Variants in NUBP1 observed in about 807,000 individuals in gnomAD.
NUBP1 encodes cytosolic Fe-S cluster assembly factor NUBP1.
Under a neutral mutation model 41.8 loss-of-function variants are expected in NUBP1, and 46 were observed. The observed-to-expected ratio is 1.10, with a 90% CI of 0.87 to 1.41. The LOEUF (loss-of-function observed/expected upper bound fraction) is 1.41, where lower values mean the gene tolerates loss of function less well. Ranked by LOEUF, NUBP1 falls within the 40% of genes most tolerant of loss-of-function variation. The pLI is 0.00. For synonymous variants in NUBP1, 189 were observed against 154.6 expected (o/e 1.22, Z -1.65); for missense variants, 494 against 414.0 (o/e 1.19, Z -1.68).
chr16:10,745,801 G>T (rs11863379), intron 2 of NUBP1, among the ~76,000 whole-genome samples: 3,440 of 152,322 alleles, frequency 0.023, 143 homozygotes, highest in African/African-American at 0.078. Context: ...TTAGGCAGAC[G>T]TCTCAGGGTA....
rs757839433 is a variant in NUBP1, at chr16:10,744,078, C to A, written c.124+13C>A. The A allele has an allele frequency of 1.3e-6, 2 of 1,546,734 alleles. No homozygotes were observed. The highest frequency in any genetic ancestry group is 1.4e-5 in the African/African-American group (1 of 71,732). Reference sequence around the variant, plus strand: ...ACTCCGGACACGGGTGAGAAAAGGGCAAGGCCTCAACAGGAACTTAGAGGC... The same window carrying A: ...ACTCCGGACACGGGTGAGAAAAGGGAAAGGCCTCAACAGGAACTTAGAGGC... On this transcript the variant is annotated intron_variant, in intron 2 of 10. Transcript: ENST00000283027.
At chr16:10,762,226 T>G in intron 9 of NUBP1, 1 of 177,486 alleles carries the variant, frequency 5.6e-6, no homozygotes, top group Admixed American at 5.7e-5. Flanking sequence ...GAAAATCCCT[T>G]AGGAAGGGGC....
chr16:10,749,230 G>A lies in NUBP1; in HGVS notation c.258+1954G>A, dbSNP rs1478677211. Among the ~76,000 whole-genome samples, 1 of 150,904 alleles carries A rather than the reference G, an allele frequency of 6.6e-6. No individual in the cohort carries two copies. Reference sequence around the variant, plus strand: ...GCCATTTGAGGGTCAAATCTGTACTGGCCTAGTGGGCTGGCCAAGAAATCT... The same window carrying A: ...GCCATTTGAGGGTCAAATCTGTACTAGCCTAGTGGGCTGGCCAAGAAATCT... On this transcript the variant is annotated intron_variant, in intron 3 of 10. Transcript: ENST00000283027. This position sits in a 1 kb window ranked among gnomAD's most constrained non-coding sequence, Gnocchi z 4.1.
At chr16:10,758,561 G>A (rs185946113) in intron 7 of NUBP1, among the ~76,000 whole-genome samples, 31 of 152,258 alleles carry the variant, frequency 2.0e-4, no homozygotes, top group Admixed American at 1.2e-3. Flanking sequence ...TTAGTCCATG[G>A]ATTAAACAAT....
rs925869968 is a variant in NUBP1 at position 10,767,644 on chromosome 16, T to A, written c.821-305T>A. 9.3e-6 allele frequency: 4 copies of A among 429,470 alleles called. No individual in the cohort carries two copies. Among genetic ancestry groups the A allele is most frequent in the Non-Finnish European group, 1.2e-5 (3 of 243,370 alleles). The allele number at this position is 429,470 out of a possible 1,614,324, so 26.6% of individuals were successfully genotyped here. A position where few individuals can be genotyped will look rare whatever the true frequency, so the allele number is the denominator to read the frequency against. On this transcript the variant is annotated intron_variant, in intron 9 of 10. Transcript: ENST00000283027. This position sits in a 1 kb window ranked among gnomAD's most constrained non-coding sequence, Gnocchi z 4.6. ...ATTCATGATCCTTTCACTCAAAAGCTAATCTCTTAAAATGCAGACTCCTGG... is the reference window on the plus strand; with the variant it reads ...ATTCATGATCCTTTCACTCAAAAGCAAATCTCTTAAAATGCAGACTCCTGG...
chr16:10,761,358 T>G lies in NUBP1; in HGVS notation c.607-6T>G. The G allele has an allele frequency of 1.2e-6, 2 of 1,613,188 alleles. No homozygotes were observed. Among genetic ancestry groups the G allele is most frequent in the Non-Finnish European group, 1.7e-6 (2 of 1,179,262 alleles). ...GCTGGAATCACTGGTCTTTTCACCT[T>G]CGTAGGAGGTGTCACTCCAGGATGT... On this transcript the variant is annotated splice_region_variant and splice_polypyrimidine_tract_variant and intron_variant, in intron 7 of 10. Transcript: ENST00000283027.
intron 4 of NUBP1, among the ~76,000 whole-genome samples, chr16:10,754,675 G>A (rs544672362): frequency 1.8e-4 from 28 of 152,318 alleles, no homozygotes; most frequent in Non-Finnish European, 3.5e-4. Context: ...AAGGCTGGGA[G>A]GATGTGAGAC....
intron 5 of NUBP1, 52 bp from the exon 6 acceptor site, chr16:10,756,638 C>A: frequency 7.3e-7 from 1 of 1,376,474 alleles, no homozygotes; most frequent in Non-Finnish European, 9.7e-7. Flanking sequence ...GAGGGCCTCA[C>A]TGTGTGGTTT....
In NUBP1 at chr16:10,749,669, A is replaced by C. The variant is rs1188057681; in HGVS notation, c.258+2393A>C. 2.0e-5 allele frequency among the ~76,000 whole-genome samples: 3 copies of C among 152,192 alleles called. No individual in the cohort carries two copies. The highest frequency in any genetic ancestry group is 4.4e-5 in the Non-Finnish European group (3 of 68,036). On this transcript the variant is annotated intron_variant, in intron 3 of 10. Coordinates refer to ENST00000283027, the MANE Select transcript of NUBP1 (RefSeq NM_002484.4). The surrounding 1 kb of genome is among the most constrained non-coding windows in gnomAD (Gnocchi z 4.1). The stretch of plus-strand genomic sequence containing the variant: ...TCTTGATTAAAGTCAAGCAGCACAG[A>C]TTTCTCCCTGCCCTAAATCCAGCAG...
chr16:10,745,117 C>T lies in NUBP1; in HGVS notation c.124+1052C>T, dbSNP rs557497396. ...CTTGGATTTGATTCTTGGATCCATG[C>T]GGTGTGACCTTCAGCAATAGTCCTA... is the stretch of plus-strand genomic sequence containing the variant. On this transcript the variant is annotated intron_variant, in intron 2 of 10. Coordinates refer to ENST00000283027, the MANE Select transcript of NUBP1 (RefSeq NM_002484.4). 4.0e-5 allele frequency among the ~76,000 whole-genome samples: 6 copies of T among 151,116 alleles called. 1 individual carries two copies. Among genetic ancestry groups the T allele is most frequent in the African/African-American group, 1.2e-4 (5 of 41,282 alleles).
chr16:10,761,873 G>C lies in NUBP1; in HGVS notation c.820+14G>C, dbSNP rs1289967275. Reference sequence around the variant, plus strand: ...ATCCGCTCATAGGTGGGTGACCCCAGTGTGGGGCGGCACCTCACTCCTCGG... The same window carrying C: ...ATCCGCTCATAGGTGGGTGACCCCACTGTGGGGCGGCACCTCACTCCTCGG... On this transcript the variant is annotated intron_variant, in intron 9 of 10. Transcript: ENST00000283027. 2 of 1,602,740 alleles carry C rather than the reference G, an allele frequency of 1.2e-6. No individual in the cohort carries two copies. Among genetic ancestry groups the C allele is most frequent in the Non-Finnish European group, 1.7e-6 (2 of 1,170,280 alleles).
intron 1 of NUBP1, 31 bp downstream of exon 1, chr16:10,743,913 G>A (rs757482720): frequency 1.3e-6 from 2 of 1,576,076 alleles, no homozygotes; most frequent in South Asian, 1.2e-5. Flanking sequence ...TGGGTCGCGG[G>A]GCGAAAGTGT....
At chr16:10,747,692 C>T (rs142399224) in intron 3 of NUBP1, among the ~76,000 whole-genome samples, 127 of 152,296 alleles carry the variant, frequency 8.3e-4, no homozygotes, top group African/African-American at 2.8e-3. Context: ...AATCTCAATC[C>T]GGCAGAGAGC....
chr16:10,753,637 G>A (rs1226447590), intron 4 of NUBP1, among the ~76,000 whole-genome samples: 1 of 152,122 alleles, frequency 6.6e-6, no homozygotes, highest in Non-Finnish European at 1.5e-5. Context: ...GGTCCATGAA[G>A]ACCCCTGTCT....
Position 10,767,869 on chromosome 16 carries a change from C to G in NUBP1, c.821-80C>G, listed in dbSNP as rs2031129022. 1 of 1,293,874 alleles carries G rather than the reference C, an allele frequency of 7.7e-7. No homozygotes were observed. The highest frequency in any genetic ancestry group is 1.5e-5 in the African/African-American group (1 of 68,582). The allele number at this position is 1,293,874 out of a possible 1,614,324, so 80.1% of individuals were successfully genotyped here. A position where few individuals can be genotyped will look rare whatever the true frequency, so the allele number is the denominator to read the frequency against. ...CTCAAGATCTTCCCATTGTCACCAG[C>G]ACGGAAAGAGCCCCAAGATCTTGTG... On this transcript the variant is annotated intron_variant, in intron 9 of 10. Transcript: ENST00000283027. The surrounding 1 kb of genome is among the most constrained non-coding windows in gnomAD (Gnocchi z 4.6).
rs1435711222 is a variant in NUBP1, at chr16:10,749,519, T to G, written c.258+2243T>G. On this transcript the variant is annotated intron_variant, in intron 3 of 10. Coordinates refer to ENST00000283027, the MANE Select transcript of NUBP1 (RefSeq NM_002484.4). This position sits in a 1 kb window ranked among gnomAD's most constrained non-coding sequence, Gnocchi z 4.1. Reference sequence around the variant, plus strand: ...TGGCTAGATCAGCTGTATTTTTTTATGCAGTGGTGGTTTAAAAAAAAAAGA... The same window carrying G: ...TGGCTAGATCAGCTGTATTTTTTTAGGCAGTGGTGGTTTAAAAAAAAAAGA... Among the ~76,000 whole-genome samples, 1 of 152,152 alleles carries G rather than the reference T, an allele frequency of 6.6e-6. No homozygotes were observed. The highest frequency in any genetic ancestry group is 2.4e-5 in the African/African-American group (1 of 41,422).
At chr16:10,764,492 C>A (rs2954100) in intron 9 of NUBP1, among the ~76,000 whole-genome samples, 1 of 150,462 alleles carries the variant, frequency 6.6e-6, no homozygotes, top group African/African-American at 2.5e-5. Flanking sequence ...TCTATTGGAG[C>A]ATCTCAGTCT....
At chr16:10,753,315 A>G (rs1228215034) in intron 4 of NUBP1, among the ~76,000 whole-genome samples, 2 of 152,194 alleles carry the variant, frequency 1.3e-5, no homozygotes, top group African/African-American at 2.4e-5. Flanking sequence ...GACTGGGAAC[A>G]TTAGACCAGG....
chr16:10,757,224 G>A lies in NUBP1; in HGVS notation c.451+444G>A, dbSNP rs908599070. ...GCTGAGGCAGGAGAACCCAGGAGGC[G>A]GAGGTTGCAGTGAGCCAAGATCATG... On this transcript the variant is annotated intron_variant, in intron 6 of 10. Transcript: ENST00000283027. This position sits in a 1 kb window ranked among gnomAD's most constrained non-coding sequence, Gnocchi z 4.1. Among the ~76,000 whole-genome samples the A allele has an allele frequency of 6.6e-6, 1 of 152,082 alleles. No individual in the cohort carries two copies. The highest frequency in any genetic ancestry group is 1.5e-5 in the Non-Finnish European group (1 of 68,016).
Sources: gnomAD v4.1 joint callset for allele counts (sites outside exome capture counted in the v4.1 genomes callset) on GRCh38, gnomAD v4.1.1 for gene constraint, Gnocchi (gnomAD v3.1) non-coding constraint, MANE v1.5 for transcripts, NCBI Gene and HGNC (gene_info 2026-07-23, HGNC 2026-07-21) for gene names.